Variants in PPP3CA observed in about 807,000 individuals in gnomAD.
The protein encoded by PPP3CA is CAM-PRP catalytic subunit.
Under a neutral mutation model 66.5 loss-of-function variants are expected in PPP3CA, and 14 were observed. The observed-to-expected ratio is 0.21, with a 90% CI of 0.14 to 0.33. The LOEUF is 0.33. PPP3CA is among the 10% of genes least tolerant of loss of function. The pLI is 1.00. For synonymous variants in PPP3CA, 232 were observed against 226.2 expected (o/e 1.03, Z -0.23); for missense variants, 317 against 639.5 (o/e 0.50, Z 5.44).
chr4:101,246,675 T>C (rs553446602), intron 1 of PPP3CA, among the ~76,000 whole-genome samples: 49 of 152,164 alleles, frequency 3.2e-4, no homozygotes, highest in Non-Finnish European at 5.3e-4. Context: ...AGTATAGACA[T>C]AGTTTTACAC....
chr4:101,298,745 T>C (rs931241024), intron 1 of PPP3CA, among the ~76,000 whole-genome samples: 1 of 152,122 alleles, frequency 6.6e-6, no homozygotes, highest in Non-Finnish European at 1.5e-5. Flanking sequence ...CAGTAGGCTA[T>C]TAGTAGTTAA....
At chr4:101,319,778 T>C (rs1311060102) in intron 1 of PPP3CA, among the ~76,000 whole-genome samples, 1 of 152,154 alleles carries the variant, frequency 6.6e-6, no homozygotes. Flanking sequence ...GATAAACTTA[T>C]ATCAAGAAAC....
intron 2 of PPP3CA, among the ~76,000 whole-genome samples, chr4:101,120,747 TATATA>T (rs1722000472): frequency 6.6e-6 from 1 of 152,084 alleles, no homozygotes; most frequent in African/African-American, 2.4e-5. Flanking sequence ...TTGAAGACAC[TATATA>T]AAAGTTTTTT....
At chr4:101,044,896 C>T (rs930759845) in intron 10 of PPP3CA, among the ~76,000 whole-genome samples, 3 of 152,150 alleles carry the variant, frequency 2.0e-5, no homozygotes, top group African/African-American at 7.2e-5. Flanking sequence ...TGCAACGCCA[C>T]AGGGTAGATT....
intron 2 of PPP3CA, among the ~76,000 whole-genome samples, chr4:101,176,448 C>A (rs919761421): frequency 2.6e-5 from 4 of 152,176 alleles, no homozygotes; most frequent in African/African-American, 7.2e-5. Context: ...ACAAGAGCAT[C>A]TAGAAGACCA....
At chr4:101,250,329 C>T (rs1726633803) in intron 1 of PPP3CA, 2 of 456,188 alleles carry the variant, frequency 4.4e-6, no homozygotes, top group East Asian at 1.4e-4. Flanking sequence ...TTATACTGTA[C>T]CTGTGGCTGT....
chr4:101,025,283 C>T lies in PPP3CA; in HGVS notation c.*582G>A, dbSNP rs574445641. ...TTTTGGCATTTTAACAAATTTGCAA[C>T]GTTCTTTTTTTTCTTTTTCTGTTTT... On this transcript the variant is annotated 3_prime_UTR_variant, in exon 14 of 14. Transcript: ENST00000394854. 12 of 147,348 alleles carry T rather than the reference C, an allele frequency of 8.1e-5. No individual in the cohort carries two copies. The highest frequency in any genetic ancestry group is 1.4e-4 in the Admixed American group (2 of 14,674). 9.1% of individuals were successfully genotyped at this position (147,348 alleles called of 1,614,324 possible).
At chr4:101,204,615 G>A (rs1030035525) in intron 1 of PPP3CA, among the ~76,000 whole-genome samples, 1 of 135,702 alleles carries the variant, frequency 7.4e-6, no homozygotes, top group African/African-American at 2.9e-5. Context: ...CAGCTTGGGC[G>A]ACAGAGCAGG....
intron 1 of PPP3CA, among the ~76,000 whole-genome samples, chr4:101,290,749 G>A (rs966437032): frequency 1.3e-5 from 2 of 152,140 alleles, no homozygotes; most frequent in Non-Finnish European, 2.9e-5. Context: ...CAGAATAAGG[G>A]TACAGGTATG....
rs1476085412 is a variant in PPP3CA, at chr4:101,338,854, T to G, written c.58+7885A>C. 2.0e-5 allele frequency among the ~76,000 whole-genome samples: 3 copies of G among 152,226 alleles called. No homozygotes were observed. In the East Asian group the frequency reaches 5.8e-4, roughly 29 times the overall value. ...ATGCCAGATTTATCATTTTTTAAAA[T>G]CAAATTCCTTTGTAAAAAGCAAACA... is the stretch of plus-strand genomic sequence containing the variant. On this transcript the variant is annotated intron_variant, in intron 1 of 13. Coordinates refer to ENST00000394854, the MANE Select transcript of PPP3CA (RefSeq NM_000944.5).
intron 1 of PPP3CA, among the ~76,000 whole-genome samples, chr4:101,340,020 A>T (rs1729762644): frequency 6.6e-6 from 1 of 152,218 alleles, no homozygotes; most frequent in Non-Finnish European, 1.5e-5. Context: ...AATTTTTTTA[A>T]TTTAGCTCCA....
chr4:101,312,230 G>A (rs752679895), intron 1 of PPP3CA, among the ~76,000 whole-genome samples: 2 of 151,898 alleles, frequency 1.3e-5, no homozygotes, highest in Non-Finnish European at 2.9e-5. Context: ...TATATAAAAT[G>A]GATCATTAAA....
chr4:101,303,467 C>T (rs1391358230), intron 1 of PPP3CA, among the ~76,000 whole-genome samples: 1 of 152,004 alleles, frequency 6.6e-6, no homozygotes, highest in African/African-American at 2.4e-5. Flanking sequence ...TTTCTTTGCT[C>T]ACTTCAAAAA....
intron 2 of PPP3CA, among the ~76,000 whole-genome samples, chr4:101,171,457 T>C (rs898985308): frequency 1.3e-5 from 2 of 151,806 alleles, no homozygotes; most frequent in Non-Finnish European, 2.9e-5. Flanking sequence ...GTAATAAAAA[T>C]AATAATAGCT....
rs1207483301 is a variant in PPP3CA, at chr4:101,023,496, A to T, written c.*2369T>A. ...CTCAGCACAATTTGTAAAAGAAAGG[A>T]ATCCAAAAAAATGAATTTTTTTTAG... On this transcript the variant is annotated 3_prime_UTR_variant, in exon 14 of 14. Transcript: ENST00000394854. 2.0e-5 allele frequency: 3 copies of T among 152,214 alleles called. No homozygotes were observed. Among genetic ancestry groups the T allele is most frequent in the Non-Finnish European group, 4.4e-5 (3 of 68,034 alleles). The allele number at this position is 152,214 out of a possible 1,614,324, so 9.4% of individuals were successfully genotyped here.
chr4:101,264,370 A>G (rs952346921), intron 1 of PPP3CA, among the ~76,000 whole-genome samples: 1 of 152,034 alleles, frequency 6.6e-6, no homozygotes, highest in East Asian at 1.9e-4. Flanking sequence ...TCTTTTTTTA[A>G]TCTTTAGTTT....
At chr4:101,075,462 T>C (rs996209690) in intron 8 of PPP3CA, among the ~76,000 whole-genome samples, 2 of 152,230 alleles carry the variant, frequency 1.3e-5, no homozygotes, top group African/African-American at 4.8e-5. Context: ...TATATTTCTC[T>C]ACATATGTAT....
intron 1 of PPP3CA, among the ~76,000 whole-genome samples, chr4:101,332,900 A>G (rs1729434409): frequency 6.6e-6 from 1 of 152,096 alleles, no homozygotes; most frequent in Admixed American, 6.5e-5. Context: ...TCTCCCCATC[A>G]CTGGAAGTAT....
At chr4:101,236,888 C>T (rs11934140) in intron 1 of PPP3CA, among the ~76,000 whole-genome samples, 100,200 of 150,894 alleles carry the variant, frequency 0.66, 34,218 homozygotes, top group Non-Finnish European at 0.74. Context: ...GGTTTTTCTG[C>T]CTACTAGTTA....
Sources: allele counts gnomAD v4.1 joint callset (sites outside exome capture counted in the v4.1 genomes callset), GRCh38; gene constraint gnomAD v4.1.1; transcripts MANE v1.5; gene names NCBI Gene and HGNC (gene_info 2026-07-23, HGNC 2026-07-21).